Variants in TBC1D22A observed in about 807,000 individuals in gnomAD.
TBC1D22A encodes TBC1 domain family member 22A.
A neutral mutation model predicts 60.2 loss-of-function variants in TBC1D22A; 38 were observed. The observed-to-expected ratio is 0.63, with a 90% CI of 0.49 to 0.83. The LOEUF (loss-of-function observed/expected upper bound fraction) is 0.83, where lower values mean the gene tolerates loss of function less well. TBC1D22A is among the 40% of genes least tolerant of loss of function. The pLI is 0.00. For missense variants in TBC1D22A, 628 were observed against 701.0 expected (o/e 0.90, Z 1.18); for synonymous variants, 302 against 281.7 (o/e 1.07, Z -0.72).
intron 12 of TBC1D22A, among the ~76,000 whole-genome samples, chr22:47,121,263 A>T (rs1012405846): frequency 1.3e-5 from 2 of 152,258 alleles, no homozygotes; most frequent in Non-Finnish European, 2.9e-5. Flanking sequence ...TAAAGCAGGC[A>T]TGCTGTTTCA....
At chr22:46,973,192 TG>T (rs2074144635) in intron 8 of TBC1D22A, among the ~76,000 whole-genome samples, 1 of 152,238 alleles carries the variant, frequency 6.6e-6, no homozygotes, top group Non-Finnish European at 1.5e-5. Context: ...GGTGGGCCTC[TG>T]GGTCCTCAGG....
At position 46,826,242 on chromosome 22, in the gene TBC1D22A, C is replaced by T. The variant is rs1417078005; in HGVS notation, c.637+28622C>T. 4.6e-5 allele frequency among the ~76,000 whole-genome samples: 7 copies of T among 152,152 alleles called. No individual in the cohort carries two copies. In the South Asian group the frequency reaches 6.2e-4, roughly 14 times the overall value. The stretch of plus-strand genomic sequence containing the variant: ...TGTGACTGGATGTTCTTCTGCAAGC[C>T]GACATTCGGTACCAATGTGGGGTTC... On this transcript the variant is annotated intron_variant, in intron 4 of 12. Transcript: ENST00000337137.
intron 4 of TBC1D22A, among the ~76,000 whole-genome samples, chr22:46,798,195 C>T (rs994862262): frequency 2.0e-5 from 3 of 152,220 alleles, no homozygotes; most frequent in Non-Finnish European, 4.4e-5. Context: ...TTCCTGTTGT[C>T]CCATTTGCAC....
chr22:47,054,422 G>C (rs1281969302), intron 11 of TBC1D22A, among the ~76,000 whole-genome samples: 5 of 152,088 alleles, frequency 3.3e-5, no homozygotes, highest in Admixed American at 2.0e-4. Context: ...CCTCCCCATC[G>C]TCTGTGTCCA....
chr22:47,106,751 C>G (rs558526260), intron 11 of TBC1D22A, among the ~76,000 whole-genome samples: 32 of 151,966 alleles, frequency 2.1e-4, no homozygotes, highest in Non-Finnish European at 4.4e-4. Context: ...TATGAAAGAA[C>G]AAGAAGAAGA....
chr22:46,828,582 C>A (rs2086173126), intron 4 of TBC1D22A, among the ~76,000 whole-genome samples: 1 of 152,244 alleles, frequency 6.6e-6, no homozygotes, highest in Non-Finnish European at 1.5e-5. Context: ...TGCCCGTCTC[C>A]CACAGGAGAT....
chr22:46,937,258 A>G (rs2071708724), intron 8 of TBC1D22A, among the ~76,000 whole-genome samples: 1 of 152,342 alleles, frequency 6.6e-6, no homozygotes, highest in South Asian at 2.1e-4. Flanking sequence ...TGCAGTTACC[A>G]CATGGACCCA....
At chr22:46,794,284 A>G (rs905916881) in intron 3 of TBC1D22A, among the ~76,000 whole-genome samples, 3 of 152,184 alleles carry the variant, frequency 2.0e-5, no homozygotes, top group Non-Finnish European at 4.4e-5. Flanking sequence ...CTGGCCCTCT[A>G]GGCAGCTTAC....
intron 4 of TBC1D22A, among the ~76,000 whole-genome samples, chr22:46,840,873 C>A (rs1017828149): frequency 1.8e-4 from 27 of 152,056 alleles, no homozygotes; most frequent in African/African-American, 6.3e-4. Flanking sequence ...AAATTTAACA[C>A]AGAACTGTCA....
intron 8 of TBC1D22A, 61 bp downstream of exon 8, chr22:46,912,249 A>G (rs2147784002): frequency 8.3e-7 from 1 of 1,207,642 alleles, no homozygotes; most frequent in Non-Finnish European, 1.2e-6. Context: ...GTTACTATGT[A>G]TAATTATAAC....
chr22:46,913,614 C>T (rs1295966504), intron 8 of TBC1D22A: 4 of 980,768 alleles, frequency 4.1e-6, no homozygotes, highest in Non-Finnish European at 4.8e-6. Context: ...TGCCTCTTAC[C>T]CCTCATTTGA....
At chr22:47,098,062 GA>G (rs922368895) in intron 11 of TBC1D22A, among the ~76,000 whole-genome samples, 8 of 141,592 alleles carry the variant, frequency 5.7e-5, no homozygotes, top group Non-Finnish European at 9.3e-5. Flanking sequence ...ACGTAGTAAA[GA>G]AAAAAAAAAG....
chr22:47,046,452 G>A (rs2063036268), intron 11 of TBC1D22A, among the ~76,000 whole-genome samples: 1 of 152,164 alleles, frequency 6.6e-6, no homozygotes, highest in Non-Finnish European at 1.5e-5. Flanking sequence ...TTGTGCTGGG[G>A]GAGCGCCCAG....
chr22:46,810,457 A>G (rs1311893741), intron 4 of TBC1D22A, among the ~76,000 whole-genome samples: 2 of 150,484 alleles, frequency 1.3e-5, no homozygotes, highest in East Asian at 3.9e-4. Context: ...AAAAAAAAGT[A>G]TATATTTATG....
intron 4 of TBC1D22A, among the ~76,000 whole-genome samples, chr22:46,861,776 C>T (rs1187087961): frequency 6.6e-6 from 1 of 152,242 alleles, no homozygotes; most frequent in Non-Finnish European, 1.5e-5. Flanking sequence ...TTGGCCATGG[C>T]TGACAGTGGG....
intron 12 of TBC1D22A, among the ~76,000 whole-genome samples, chr22:47,149,583 G>A (rs2067423408): frequency 6.6e-6 from 1 of 152,238 alleles, no homozygotes; most frequent in Non-Finnish European, 1.5e-5. Flanking sequence ...AGGACTAGTG[G>A]GGAAGGGACA....
At chr22:46,965,294 T>TG (rs1342325770) in intron 8 of TBC1D22A, among the ~76,000 whole-genome samples, 70 of 152,292 alleles carry the variant, frequency 4.6e-4, no homozygotes, top group African/African-American at 1.5e-3. Flanking sequence ...ATCTGACCTG[T>TG]GGGGGCGGGG....
chr22:47,048,858 A>G (rs1163629303), intron 11 of TBC1D22A, among the ~76,000 whole-genome samples: 2 of 152,146 alleles, frequency 1.3e-5, no homozygotes, highest in South Asian at 2.1e-4. Flanking sequence ...CGCAGCCCCC[A>G]TGCTGGGGCA....
chr22:47,156,829 C>T (rs953974013), intron 12 of TBC1D22A, among the ~76,000 whole-genome samples: 3 of 152,180 alleles, frequency 2.0e-5, no homozygotes, highest in African/African-American at 4.8e-5. Flanking sequence ...CACTGCTGCC[C>T]GCGCCGACCA....
Sources: gnomAD v4.1 joint callset for allele counts (sites outside exome capture counted in the v4.1 genomes callset) on GRCh38, gnomAD v4.1.1 for gene constraint, MANE v1.5 for transcripts, NCBI Gene and HGNC (gene_info 2026-07-23, HGNC 2026-07-21) for gene names.